Variants in ZNF624 observed in about 807,000 individuals in gnomAD.
ZNF624 encodes zinc finger protein 624.
In ZNF624, 43 loss-of-function variants were observed where a neutral mutation model predicts 74.7. That is an observed-to-expected ratio of 0.58 (90% CI 0.45 to 0.74). The LOEUF is 0.74. ZNF624 is among the 30% of genes least tolerant of loss of function. The pLI is 0.00. For missense variants in ZNF624, 820 were observed against 1,030.0 expected, an observed-to-expected ratio of 0.80 and a Z score of 2.79; for synonymous variants, 331 against 341.3, an observed-to-expected ratio of 0.97 and a Z score of 0.33.
In ZNF624 at chr17:16,629,582, T is replaced by C. The variant is rs1597492749; in HGVS notation, c.376+4280A>G. 2.6e-5 allele frequency among the ~76,000 whole-genome samples: 4 copies of C among 152,230 alleles called. No individual in the cohort carries two copies. In the South Asian group the frequency reaches 8.3e-4, roughly 32 times the overall value. On this transcript the variant is annotated intron_variant, in intron 5 of 5. Coordinates refer to ENST00000311331, the MANE Select transcript of ZNF624 (RefSeq NM_020787.4). ...ATTTATTTACTTACTTACTTACTTA[T>C]TTTGAGACCGAGTCTCACTCTGTTA...
rs1258119449 is a variant in ZNF624 at position 16,622,673 on chromosome 17, T to C, written c.2213A>G (p.His738Arg). Residue 738 changes from histidine to arginine, a missense_variant, in exon 6 of 6, where the codon CAT (histidine) becomes CGT (arginine). His to Arg is a conservative substitution (Grantham distance 29). Coordinates refer to ENST00000311331, the MANE Select transcript of ZNF624 (RefSeq NM_020787.4). ...DCGKAFSQMV[H>R]VTEHQKIHSG... ...ATGGATTTTCTGATGTTCTGTGACATGTACCATCTGGCTAAATGCTTTCCC... is the reference window on the plus strand; with the variant it reads ...ATGGATTTTCTGATGTTCTGTGACACGTACCATCTGGCTAAATGCTTTCCC... The C allele has an allele frequency of 1.9e-6, 3 of 1,613,962 alleles. No homozygotes were observed. Among genetic ancestry groups the C allele is most frequent in the Non-Finnish European group, 2.5e-6 (3 of 1,179,982 alleles).
Position 16,622,484 on chromosome 17 carries a change from A to C in ZNF624, c.2402T>G (p.Ile801Ser). 6.2e-7 allele frequency: 1 copy of C among 1,613,860 alleles called. No homozygotes were observed. Residue 801 changes from isoleucine to serine, a missense_variant, in exon 6 of 6, where the codon ATT becomes AGT. Physicochemically the swap from Ile to Ser is moderately radical, Grantham distance 142. Transcript: ENST00000311331. ...TLSQLTLHQR[I>S]HTGERPYKCE... The stretch of plus-strand genomic sequence containing the variant: ...TTTATAGGGCCTCTCCCCAGTATGA[A>C]TTCTCTGATGTAGGGTTAGCTGTGA...
At chr17:16,638,583 A>G (rs953896972) in intron 3 of ZNF624, among the ~76,000 whole-genome samples, 11 of 152,176 alleles carry the variant, frequency 7.2e-5, no homozygotes, top group Non-Finnish European at 1.6e-4. Context: ...GAAACTGGAA[A>G]CCATCATTCT....
chr17:16,645,171 G>A (rs1909557963), intron 3 of ZNF624, among the ~76,000 whole-genome samples: 1 of 152,162 alleles, frequency 6.6e-6, no homozygotes, highest in African/African-American at 2.4e-5. Context: ...TGGGTGCCAT[G>A]GCTCATGCCT....
Position 16,623,949 on chromosome 17 carries a change from A to T in ZNF624, c.937T>A (p.Phe313Ile). The T allele has an allele frequency of 6.2e-7, 1 of 1,613,950 alleles. No individual in the cohort carries two copies. The highest frequency in any genetic ancestry group is 8.5e-7 in the Non-Finnish European group (1 of 1,180,004). Residue 313 changes from phenylalanine to isoleucine, a missense_variant, in exon 6 of 6, where the codon TTC becomes ATC. Transcript: ENST00000311331. The surrounding 1 kb of genome is among the most constrained non-coding windows in gnomAD (Gnocchi z 5.3). Reference protein sequence around the residue: ...PYECNECGKTFSQPSYLSQHK... With the variant: ...PYECNECGKTISQPSYLSQHK... ...TGACTGAGATATGAAGGCTGGCTGA[A>T]TGTTTTCCCACATTCATTACATTCA...
chr17:16,623,151 T>C lies in ZNF624; in HGVS notation c.1735A>G (p.Thr579Ala). 6.2e-7 allele frequency: 1 copy of C among 1,614,012 alleles called. No homozygotes were observed. The highest frequency in any genetic ancestry group is 8.5e-7 in the Non-Finnish European group (1 of 1,179,972). Residue 579 changes from threonine (T) to alanine (A), a missense_variant, in exon 6 of 6, where the codon ACT becomes GCT. By Grantham distance (58) the Thr-to-Ala change is moderately conservative. Transcript: ENST00000311331. This position sits in a 1 kb window ranked among gnomAD's most constrained non-coding sequence, Gnocchi z 5.3. ...TTGCACAGATAAGGTTTCTCTTCAG[T>C]ATGAATACGCTGATGTATAATTAGA... ...SSLIIHQRIH[T>A]EEKPYLCNEC... is the part of the protein sequence containing the mutation.
Position 16,622,554 on chromosome 17 carries a change from T to C in ZNF624, c.2332A>G (p.Lys778Glu). ...CCACATTCCTTACAGGTGTAGGGTTTTTCTCCAGTGTGTGTTCTCCAATGC... is the reference window on the plus strand; with the variant it reads ...CCACATTCCTTACAGGTGTAGGGTTCTTCTCCAGTGTGTGTTCTCCAATGC... Reference protein sequence around the residue: ...TVHWRTHTGEKPYTCKECGKG... With the variant: ...TVHWRTHTGEEPYTCKECGKG... The change falls in exon 6 of 6, where the codon AAA (lysine) becomes GAA (glutamate). Residue 778 changes from lysine (K) to glutamate (E), a missense_variant. By Grantham distance (56) the Lys-to-Glu change is moderately conservative. Coordinates refer to ENST00000311331, the MANE Select transcript of ZNF624 (RefSeq NM_020787.4). 6.2e-7 allele frequency: 1 copy of C among 1,614,008 alleles called. No individual in the cohort carries two copies. Among genetic ancestry groups the C allele is most frequent in the Non-Finnish European group, 8.5e-7 (1 of 1,179,922 alleles).
chr17:16,617,723 G>T, downstream of ZNF624: 1 of 1,603,356 alleles, frequency 6.2e-7, no homozygotes, highest in Non-Finnish European at 8.5e-7. Context: ...TGTTCAGCTC[G>T]TAAAGGGCGT....
intron 3 of ZNF624, among the ~76,000 whole-genome samples, chr17:16,635,713 G>A (rs954568002): frequency 6.6e-6 from 1 of 152,062 alleles, no homozygotes; most frequent in Non-Finnish European, 1.5e-5. Flanking sequence ...TGCTGTGCGT[G>A]TAGTGCTTGA....
chr17:16,622,717 T>C lies in ZNF624; in HGVS notation c.2169A>G (p.Pro723=), dbSNP rs529387988. 4.2e-5 allele frequency: 68 copies of C among 1,613,806 alleles called. No individual in the cohort carries two copies. The South Asian group carries it at 6.7e-4, about 16-fold the overall frequency. The change falls in exon 6 of 6, where the codon CCA becomes CCG. Residue 723 remains proline (P), a synonymous_variant. Coordinates refer to ENST00000311331, the MANE Select transcript of ZNF624 (RefSeq NM_020787.4). The part of the protein sequence containing the change: ...THQRTHTGEK[P]FKCNDCGKAF... ...CTTTCCCACAGTCATTACATTTAAATGGTTTCTCTCCAGTATGTGTTCTTT... is the reference window on the plus strand; with the variant it reads ...CTTTCCCACAGTCATTACATTTAAACGGTTTCTCTCCAGTATGTGTTCTTT...
In ZNF624 at chr17:16,624,248, G is replaced by A; in HGVS notation, c.638C>T (p.Pro213Leu). The A allele has an allele frequency of 6.2e-7, 1 of 1,614,124 alleles. No individual in the cohort carries two copies. Among genetic ancestry groups the A allele is most frequent in the South Asian group, 1.1e-5 (1 of 91,078 alleles). ...GTGAAGCTCTTCTGTGGCAATGCCT[G>A]GTTCTGGAATAAGAATAGATTCAAA... ...FRFESILIPE[P>L]GIATEELHSR... Residue 213 changes from proline to leucine, a missense_variant, in exon 6 of 6, where the codon CCA becomes CTA. Pro to Leu is a moderately conservative substitution (Grantham distance 98, BLOSUM62 -3). Transcript: ENST00000311331.
At chr17:16,637,852 C>A (rs1909371048) in intron 3 of ZNF624, among the ~76,000 whole-genome samples, 1 of 151,892 alleles carries the variant, frequency 6.6e-6, no homozygotes, top group Non-Finnish European at 1.5e-5. Context: ...GCAACAAAAG[C>A]CAAAATTGAC....
At chr17:16,645,381 T>C (rs1909564123) in intron 3 of ZNF624, among the ~76,000 whole-genome samples, 1 of 152,178 alleles carries the variant, frequency 6.6e-6, no homozygotes, top group Non-Finnish European at 1.5e-5. Flanking sequence ...TATGCTTATC[T>C]AGTTGTTTGT....
intron 3 of ZNF624, among the ~76,000 whole-genome samples, chr17:16,644,139 C>T (rs1478107676): frequency 8.5e-5 from 13 of 152,130 alleles, no homozygotes; most frequent in Admixed American, 8.5e-4. Context: ...AGCCTGAGGC[C>T]CTCACAAGAT....
chr17:16,633,997 G>C, intron 4 of ZNF624, 40 bp from the exon 5 acceptor site: 1 of 1,527,908 alleles, frequency 6.5e-7, no homozygotes, highest in Non-Finnish European at 9.0e-7. Flanking sequence ...TTGGAGCCAT[G>C]AGCAAGAACT....
chr17:16,633,902 T>C lies in ZNF624; in HGVS notation c.336A>G (p.Pro112=). The C allele has an allele frequency of 6.2e-7, 1 of 1,613,752 alleles. No homozygotes were observed. Among genetic ancestry groups the C allele is most frequent in the Non-Finnish European group, 8.5e-7 (1 of 1,179,722 alleles). ...MISHLENGKG[P]WVTVREISRI... is the part of the protein sequence containing the mutation. ...TTGAAATTTCTCTCACCGTCACCCA[T>C]GGTCCTTTCCCATTCTCCAAATGAG... is the stretch of plus-strand genomic sequence containing the variant. The change falls in exon 5 of 6, where the codon CCA becomes CCG. Residue 112 remains proline, a synonymous_variant. Coordinates refer to ENST00000311331, the MANE Select transcript of ZNF624 (RefSeq NM_020787.4).
At chr17:16,640,029 T>C (rs911218791) in intron 3 of ZNF624, among the ~76,000 whole-genome samples, 1 of 152,148 alleles carries the variant, frequency 6.6e-6, no homozygotes, top group Non-Finnish European at 1.5e-5. Flanking sequence ...ATAAATATGT[T>C]CAAAGACCTA....
intron 3 of ZNF624, among the ~76,000 whole-genome samples, chr17:16,642,923 C>T (rs1200985009): frequency 6.6e-6 from 1 of 152,110 alleles, no homozygotes; most frequent in Non-Finnish European, 1.5e-5. Context: ...AGAGAAGATG[C>T]TGGAAGTTCT....
intron 1 of ZNF624, among the ~76,000 whole-genome samples, chr17:16,652,676 C>T (rs1439702157): frequency 6.6e-6 from 1 of 152,222 alleles, no homozygotes; most frequent in Non-Finnish European, 1.5e-5. Context: ...CAAAACTCTA[C>T]TGAGACCTCT....
Sources: allele counts gnomAD v4.1 joint callset (sites outside exome capture counted in the v4.1 genomes callset), GRCh38; gene constraint gnomAD v4.1.1; non-coding constraint Gnocchi (gnomAD v3.1); transcripts MANE v1.5; gene names NCBI Gene and HGNC (gene_info 2026-07-23, HGNC 2026-07-21).